FARS2: variants seen among roughly 807,000 people sequenced by gnomAD.
The protein encoded by FARS2 is phenylalanine--tRNA ligase, mitochondrial.
FARS2 carries 40 observed loss-of-function variants against 46.4 expected under a neutral mutation model. The observed-to-expected ratio is 0.86, with a 90% confidence interval of 0.67 to 1.12. The LOEUF (loss-of-function observed/expected upper bound fraction) is 1.12. Among genes scored for constraint, FARS2 ranks in the 50% most tolerant of loss-of-function variants. The pLI is 0.00. For missense variants in FARS2, 513 were observed against 567.9 expected, an observed-to-expected ratio of 0.90 and a Z score of 0.98; for synonymous variants, 234 against 214.9, an observed-to-expected ratio of 1.09 and a Z score of -0.78.
chr6:5,333,956 G>A (rs1395774367), intron 1 of FARS2, among the ~76,000 whole-genome samples: 1 of 152,118 alleles, frequency 6.6e-6, no homozygotes, highest in Non-Finnish European at 1.5e-5. Context: ...CTCTACATGT[G>A]CTGTTCTTCC....
intron 1 of FARS2, among the ~76,000 whole-genome samples, chr6:5,314,246 G>T (rs554246498): frequency 1.3e-5 from 2 of 152,296 alleles, no homozygotes; most frequent in Admixed American, 1.3e-4. Context: ...GGGAGTGGCA[G>T]TAGAGTTGGA....
chr6:5,486,089 C>T (rs1489102099), intron 4 of FARS2, among the ~76,000 whole-genome samples: 2 of 152,192 alleles, frequency 1.3e-5, no homozygotes, highest in Non-Finnish European at 2.9e-5. Context: ...TTACCTCTCT[C>T]AAGGATATGG....
intron 5 of FARS2, chr6:5,609,843 G>A (rs1775071718): frequency 9.4e-7 from 1 of 1,066,054 alleles, no homozygotes; most frequent in African/African-American, 1.5e-5. Flanking sequence ...AATCTCTTAG[G>A]TGATGTTCTT....
At chr6:5,417,351 G>C (rs1160625541) in intron 3 of FARS2, among the ~76,000 whole-genome samples, 1 of 151,876 alleles carries the variant, frequency 6.6e-6, no homozygotes, top group Non-Finnish European at 1.5e-5. Flanking sequence ...TGAGGAGCTG[G>C]GACTACAGGT....
At chr6:5,271,246 T>G (rs548720121) in intron 1 of FARS2, among the ~76,000 whole-genome samples, 122 of 152,270 alleles carry the variant, frequency 8.0e-4, no homozygotes, top group African/African-American at 2.8e-3. Context: ...ATCAACAGTT[T>G]GGGGGCGCTT....
intron 1 of FARS2, among the ~76,000 whole-genome samples, chr6:5,353,876 G>A (rs1443361713): frequency 1.3e-5 from 2 of 150,630 alleles, no homozygotes; most frequent in African/African-American, 4.9e-5. Flanking sequence ...GTGTGATAGT[G>A]ACTGTGGCAG....
At chr6:5,506,491 C>T (rs143599045) in intron 4 of FARS2, among the ~76,000 whole-genome samples, 131 of 152,296 alleles carry the variant, frequency 8.6e-4, no homozygotes, top group African/African-American at 3.0e-3. Context: ...TCTTAACCAC[C>T]GAATTGTCTT....
intron 4 of FARS2, among the ~76,000 whole-genome samples, chr6:5,490,683 G>T (rs1485353957): frequency 6.6e-6 from 1 of 152,144 alleles, no homozygotes; most frequent in Non-Finnish European, 1.5e-5. Context: ...TTTCATCTTG[G>T]TTGGTTATTT....
At chr6:5,363,563 G>C (rs1165196553) in intron 1 of FARS2, among the ~76,000 whole-genome samples, 3 of 152,094 alleles carry the variant, frequency 2.0e-5, no homozygotes, top group Non-Finnish European at 2.9e-5. Flanking sequence ...GAAAGAGTAT[G>C]TGTATATATA....
At chr6:5,521,173 A>G (rs866503161) in intron 4 of FARS2, among the ~76,000 whole-genome samples, 2 of 152,092 alleles carry the variant, frequency 1.3e-5, no homozygotes, top group South Asian at 2.1e-4. Context: ...TTCTGAAAGA[A>G]TTGAATCCTA....
intron 6 of FARS2, among the ~76,000 whole-genome samples, chr6:5,624,099 T>TTGTAATGCTGGTGA (rs1775914193): frequency 6.7e-6 from 1 of 150,220 alleles, no homozygotes; most frequent in Admixed American, 6.6e-5. Context: ...TCCATTTTTA[T>TTGTAATGCTGGTGA]TGTAATGCTG....
chr6:5,541,684 G>A (rs1331530209), intron 4 of FARS2, among the ~76,000 whole-genome samples: 4 of 152,098 alleles, frequency 2.6e-5, no homozygotes, highest in South Asian at 2.1e-4. Context: ...CCAAGAGAGT[G>A]TTCTTGGATC....
At chr6:5,675,125 G>A (rs557927550) in intron 6 of FARS2, among the ~76,000 whole-genome samples, 1 of 152,012 alleles carries the variant, frequency 6.6e-6, no homozygotes, top group South Asian at 2.1e-4. Flanking sequence ...ATAAATATTT[G>A]GTGAAGAAGG....
At chr6:5,429,632 C>G (rs1177133322) in intron 3 of FARS2, among the ~76,000 whole-genome samples, 1 of 152,064 alleles carries the variant, frequency 6.6e-6, no homozygotes, top group East Asian at 1.9e-4. Flanking sequence ...ACAGCGAGAC[C>G]TCATCTCTAA....
At chr6:5,715,576 T>C (rs957141550) in intron 6 of FARS2, among the ~76,000 whole-genome samples, 2 of 152,206 alleles carry the variant, frequency 1.3e-5, no homozygotes, top group Non-Finnish European at 2.9e-5. Context: ...TCATATAATA[T>C]GTGGTCTCTT....
intron 4 of FARS2, among the ~76,000 whole-genome samples, chr6:5,473,031 A>G (rs1026314031): frequency 3.3e-5 from 5 of 152,136 alleles, no homozygotes; most frequent in Admixed American, 1.3e-4. Flanking sequence ...GTCCATAGAT[A>G]TGTTCATACG....
intron 1 of FARS2, among the ~76,000 whole-genome samples, chr6:5,322,476 A>T: frequency 6.6e-6 from 1 of 152,238 alleles, no homozygotes; most frequent in East Asian, 1.9e-4. Flanking sequence ...TTTAACCAGA[A>T]TGAAGGCAGA....
intron 4 of FARS2, among the ~76,000 whole-genome samples, chr6:5,459,778 C>T (rs944480983): frequency 2.6e-5 from 4 of 152,146 alleles, no homozygotes; most frequent in African/African-American, 4.8e-5. Context: ...TCCCTTTTCC[C>T]CACCTCCCTC....
intron 4 of FARS2, among the ~76,000 whole-genome samples, chr6:5,455,139 A>T (rs1582154649): frequency 6.6e-6 from 1 of 152,050 alleles, no homozygotes; most frequent in South Asian, 2.1e-4. Context: ...TTGTGAGGAG[A>T]TTTCCTTTTC....
Sources: gnomAD v4.1 joint callset for allele counts (sites outside exome capture counted in the v4.1 genomes callset) on GRCh38, gnomAD v4.1.1 for gene constraint, MANE v1.5 for transcripts, NCBI Gene and HGNC (gene_info 2026-07-23, HGNC 2026-07-21) for gene names.